Variants in MSI2 observed in about 807,000 individuals in gnomAD.
MSI2 encodes the protein RNA-binding protein Musashi homolog 2.
In MSI2, 17 loss-of-function variants were observed where a neutral mutation model predicts 45.6. That is an observed-to-expected ratio of 0.37 (90% CI 0.26 to 0.56). The LOEUF (loss-of-function observed/expected upper bound fraction) is 0.56, where lower values mean the gene tolerates loss of function less well. Ranked by LOEUF, MSI2 falls within the 20% of genes least tolerant of loss-of-function variation. MSI2 has a pLI of 0.77. For synonymous variants in MSI2, 156 were observed against 158.2 expected, an observed-to-expected ratio of 0.99 and a Z score of 0.11; for missense variants, 293 against 444.2, an observed-to-expected ratio of 0.66 and a Z score of 3.06.
chr17:57,631,628 C>T (rs1327692240), intron 10 of MSI2: 12 of 640,452 alleles, frequency 1.9e-5, no homozygotes, highest in East Asian at 2.8e-5. Flanking sequence ...GCTCCTTCTT[C>T]CCACATCCAG....
At chr17:57,635,566 C>T (rs780458606) in intron 10 of MSI2, among the ~76,000 whole-genome samples, 14 of 152,264 alleles carry the variant, frequency 9.2e-5, no homozygotes, top group South Asian at 2.1e-4. Context: ...ACAGAGCACT[C>T]GGGGTGGCCA....
Position 57,682,646 on chromosome 17 carries a change from G to C in MSI2, c.*3129G>C, listed in dbSNP as rs1913686438. ...TTCCATCTAGAAGTCCATTTTGAAAGATTTTTGTAAATTCTTTTAACACTG... is the reference window on the plus strand; with the variant it reads ...TTCCATCTAGAAGTCCATTTTGAAACATTTTTGTAAATTCTTTTAACACTG... On this transcript the variant is annotated 3_prime_UTR_variant, in exon 14 of 14. Coordinates refer to ENST00000284073, the MANE Select transcript of MSI2 (RefSeq NM_138962.4). 1 of 214,410 alleles carries C rather than the reference G, an allele frequency of 4.7e-6. No individual in the cohort carries two copies. The highest frequency in any genetic ancestry group is 2.3e-5 in the African/African-American group (1 of 44,330). The allele number at this position is 214,410 out of a possible 1,614,324, so 13.3% of individuals were successfully genotyped here.
chr17:57,329,296 T>C (rs1380372587), intron 5 of MSI2, among the ~76,000 whole-genome samples: 1 of 152,270 alleles, frequency 6.6e-6, no homozygotes, highest in African/African-American at 2.4e-5. Flanking sequence ...TGTATTTCTT[T>C]TGGCTTGGTT....
chr17:57,305,129 C>T (rs559063088), intron 5 of MSI2, among the ~76,000 whole-genome samples: 14 of 152,174 alleles, frequency 9.2e-5, no homozygotes, highest in South Asian at 2.1e-4. Context: ...GATAGGTGGC[C>T]CCAGCCTTTA....
intron 7 of MSI2, among the ~76,000 whole-genome samples, chr17:57,587,663 G>A (rs1229331072): frequency 6.6e-6 from 1 of 152,038 alleles, no homozygotes; most frequent in African/African-American, 2.4e-5. Flanking sequence ...GAAGACCCGT[G>A]TCGACTCACG....
At chr17:57,391,383 G>A (rs938146309) in intron 5 of MSI2, among the ~76,000 whole-genome samples, 1 of 152,214 alleles carries the variant, frequency 6.6e-6, no homozygotes, top group African/African-American at 2.4e-5. Flanking sequence ...CGTGAGGCTC[G>A]GAACTGTTAG....
intron 8 of MSI2, among the ~76,000 whole-genome samples, chr17:57,612,882 T>G (rs1267310516): frequency 6.6e-6 from 1 of 152,156 alleles, no homozygotes; most frequent in African/African-American, 2.4e-5. Flanking sequence ...CCCTTGCTGG[T>G]GTTGGCTTTG....
At chr17:57,520,384 A>C (rs1003223157) in intron 6 of MSI2, among the ~76,000 whole-genome samples, 1 of 152,182 alleles carries the variant, frequency 6.6e-6, no homozygotes, top group South Asian at 2.1e-4. Context: ...TATCTGATAA[A>C]CATTGTGCGT....
chr17:57,520,476 A>G (rs2086560442), intron 6 of MSI2, among the ~76,000 whole-genome samples: 1 of 152,242 alleles, frequency 6.6e-6, no homozygotes, highest in Non-Finnish European at 1.5e-5. Flanking sequence ...TAAGGGCTGT[A>G]AAGGTCTTGC....
chr17:57,364,986 G>A (rs792372), intron 5 of MSI2: 126,127 of 151,976 alleles, frequency 0.83, 52,370 homozygotes, highest in Middle Eastern at 0.88. Flanking sequence ...CAATTTATTT[G>A]TTCTTTAAAA....
chr17:57,438,772 G>A (rs1257677865), intron 6 of MSI2, among the ~76,000 whole-genome samples: 1 of 152,038 alleles, frequency 6.6e-6, no homozygotes, highest in Non-Finnish European at 1.5e-5. Context: ...GGAGCCTAGG[G>A]CCTGAGGGTT....
At chr17:57,502,636 T>TATATATATATATATATATATATAGAG in intron 6 of MSI2, among the ~76,000 whole-genome samples, 4 of 96,900 alleles carry the variant, frequency 4.1e-5, no homozygotes, top group Non-Finnish European at 4.3e-5. Flanking sequence ...TATATATATA[T>TATATATATATATATATATATATAGAG]AGTCATCATT....
At chr17:57,336,270 A>G (rs901233334) in intron 5 of MSI2, among the ~76,000 whole-genome samples, 1 of 152,192 alleles carries the variant, frequency 6.6e-6, no homozygotes, top group Non-Finnish European at 1.5e-5. Context: ...GAGTAAGGCC[A>G]AGGCTTTTGG....
intron 11 of MSI2, among the ~76,000 whole-genome samples, chr17:57,663,292 A>T (rs1229595158): frequency 6.6e-6 from 1 of 152,206 alleles, no homozygotes; most frequent in Non-Finnish European, 1.5e-5. Flanking sequence ...GTAGATGAGT[A>T]ATTACTACAC....
intron 5 of MSI2, among the ~76,000 whole-genome samples, chr17:57,275,411 A>T (rs1252126683): frequency 6.6e-6 from 1 of 152,150 alleles, no homozygotes; most frequent in Non-Finnish European, 1.5e-5. Context: ...TTTCATAGAA[A>T]CTTTTGCTTG....
chr17:57,671,893 T>C (rs1168343650), intron 11 of MSI2, among the ~76,000 whole-genome samples: 8 of 152,212 alleles, frequency 5.3e-5, no homozygotes, highest in Non-Finnish European at 1.2e-4. Context: ...TCGGGGACTT[T>C]AACATGCTTT....
At chr17:57,357,842 T>C (rs1916544744) in intron 5 of MSI2, among the ~76,000 whole-genome samples, 1 of 152,256 alleles carries the variant, frequency 6.6e-6, no homozygotes, top group East Asian at 1.9e-4. Flanking sequence ...CATTAATCTT[T>C]TTTTTTGATG....
chr17:57,282,235 C>A (rs952925007), intron 5 of MSI2, among the ~76,000 whole-genome samples: 3 of 152,044 alleles, frequency 2.0e-5, no homozygotes, highest in African/African-American at 7.2e-5. Flanking sequence ...CCCACAGAGG[C>A]TTTGAAAGGA....
chr17:57,412,489 C>T (rs1323746240), intron 6 of MSI2, among the ~76,000 whole-genome samples: 3 of 152,172 alleles, frequency 2.0e-5, no homozygotes, highest in South Asian at 2.1e-4. Context: ...TGTCCCTTAA[C>T]GTACTTTGCC....
Sources: gnomAD v4.1 joint callset for allele counts (sites outside exome capture counted in the v4.1 genomes callset) on GRCh38, gnomAD v4.1.1 for gene constraint, MANE v1.5 for transcripts, NCBI Gene and HGNC (gene_info 2026-07-23, HGNC 2026-07-21) for gene names.